Variants in NTNG1 observed in about 807,000 individuals in gnomAD.
NTNG1 encodes the protein netrin G1, also known as netrin-G1.
NTNG1 carries 16 observed loss-of-function variants against 54.0 expected under a neutral mutation model. The ratio of observed to expected loss-of-function variants is 0.30; its 90% CI spans 0.20 to 0.45. The LOEUF (loss-of-function observed/expected upper bound fraction) is 0.45. Among genes scored for constraint, NTNG1 ranks in the 20% least tolerant of loss-of-function variants. NTNG1 has a pLI of 1.00. For missense variants in NTNG1, 530 were observed against 678.7 expected (o/e 0.78, Z 2.43); for synonymous variants, 255 against 263.1 (o/e 0.97, Z 0.30).
intron 3 of NTNG1, among the ~76,000 whole-genome samples, chr1:107,394,034 A>AACACACAC (rs142695081): frequency 1.3e-5 from 2 of 149,716 alleles, no homozygotes; most frequent in African/African-American, 4.9e-5. Context: ...CACACACATA[A>AACACACAC]ACACACACAC....
intron 2 of NTNG1, among the ~76,000 whole-genome samples, chr1:107,297,846 C>T (rs1468149692): frequency 6.6e-6 from 1 of 152,064 alleles, no homozygotes; most frequent in Non-Finnish European, 1.5e-5. Flanking sequence ...TTAGAAATTA[C>T]CTACTTTTTA....
chr1:107,147,262 C>T (rs968645137), intron 1 of NTNG1, among the ~76,000 whole-genome samples: 1 of 152,092 alleles, frequency 6.6e-6, no homozygotes, highest in Middle Eastern at 3.2e-3. Flanking sequence ...TCACCCTCGG[C>T]TATTTTTATG....
chr1:107,424,808 C>A (rs1570933705), intron 5 of NTNG1, among the ~76,000 whole-genome samples: 2 of 151,988 alleles, frequency 1.3e-5, no homozygotes, highest in African/African-American at 4.8e-5. Flanking sequence ...GGGAGTCTCA[C>A]TAATTAATTG....
rs571428805 is a variant in NTNG1, at chr1:107,285,755, A to T, written c.247-38527A>T. Among the ~76,000 whole-genome samples, 8 of 152,192 alleles carry T rather than the reference A, an allele frequency of 5.3e-5. No individual in the cohort carries two copies. The South Asian group carries it at 1.7e-3, about 32-fold the overall frequency. On this transcript the variant is annotated intron_variant, in intron 2 of 7. Coordinates refer to ENST00000370068, the MANE Select transcript of NTNG1 (RefSeq NM_001113226.3). ...AAATTGCACTTATTTTAGAAATCTGACTTTTGCATGGAATCCACAGGTGTA... is the reference window on the plus strand; with the variant it reads ...AAATTGCACTTATTTTAGAAATCTGTCTTTTGCATGGAATCCACAGGTGTA...
chr1:107,420,952 T>C (rs1674534502), intron 5 of NTNG1: 10 of 656,332 alleles, frequency 1.5e-5, no homozygotes, highest in Non-Finnish European at 2.4e-5. Context: ...TGAAACAAAC[T>C]CCTAGAAACA....
chr1:107,390,382 G>GT (rs1310802265), intron 3 of NTNG1, among the ~76,000 whole-genome samples: 6 of 152,246 alleles, frequency 3.9e-5, no homozygotes, highest in Middle Eastern at 3.4e-3. Flanking sequence ...CAAATGCTTT[G>GT]TTTTTTTCTC....
In NTNG1 at chr1:107,459,838, C is replaced by T. The variant is rs12083292; in HGVS notation, c.1391-20773C>T. Among the ~76,000 whole-genome samples the T allele has an allele frequency of 2.9e-3, 434 of 152,238 alleles. 3 individuals are homozygous for T. The highest frequency in any genetic ancestry group is 0.01 in the African/African-American group (424 of 41,546). ...TTCATAGCAGCATTTTAAGATGGAG[C>T]CAGCCGGGTACTCCTAGGGCAAATT... On this transcript the variant is annotated intron_variant, in intron 7 of 7. Coordinates refer to ENST00000370068, the MANE Select transcript of NTNG1 (RefSeq NM_001113226.3).
intron 7 of NTNG1, among the ~76,000 whole-genome samples, chr1:107,463,118 A>G (rs1264870804): frequency 4.6e-5 from 7 of 152,170 alleles, no homozygotes; most frequent in Non-Finnish European, 1.0e-4. Context: ...TTGTGCCTTG[A>G]CTAACTTCCA....
intron 7 of NTNG1, among the ~76,000 whole-genome samples, chr1:107,455,062 A>AT (rs111552271): frequency 2.8e-3 from 393 of 139,370 alleles, no homozygotes; most frequent in Middle Eastern, 3.8e-3. Flanking sequence ...CATGGTGACT[A>AT]TTTTTTTTTT....
At chr1:107,381,687 A>C (rs1671655889) in intron 3 of NTNG1, among the ~76,000 whole-genome samples, 1 of 152,236 alleles carries the variant, frequency 6.6e-6, no homozygotes, top group Non-Finnish European at 1.5e-5. Context: ...TGCAAGTGTT[A>C]GAAAAATAAT....
chr1:107,400,776 G>T (rs1400007963), intron 4 of NTNG1, among the ~76,000 whole-genome samples: 1 of 151,864 alleles, frequency 6.6e-6, no homozygotes, highest in Non-Finnish European at 1.5e-5. Flanking sequence ...AGCCTCCCAA[G>T]TAGCTGGGAT....
chr1:107,306,979 G>C (rs537472836), intron 2 of NTNG1, among the ~76,000 whole-genome samples: 24 of 152,286 alleles, frequency 1.6e-4, no homozygotes, highest in African/African-American at 5.3e-4. Context: ...ATTCAGTCTT[G>C]TGTTTGGTCT....
chr1:107,158,138 A>C (rs1168062087), intron 2 of NTNG1, among the ~76,000 whole-genome samples: 1 of 152,196 alleles, frequency 6.6e-6, no homozygotes, highest in Admixed American at 6.6e-5. Flanking sequence ...ATCCTAAAAC[A>C]TAATTCCTTG....
chr1:107,443,951 G>C (rs758747514), intron 7 of NTNG1, among the ~76,000 whole-genome samples: 1 of 152,092 alleles, frequency 6.6e-6, no homozygotes, highest in Non-Finnish European at 1.5e-5. Context: ...GGAAGGAAGT[G>C]CTCTTTAAAC....
At chr1:107,201,324 T>C (rs1658738140) in intron 2 of NTNG1, among the ~76,000 whole-genome samples, 1 of 151,780 alleles carries the variant, frequency 6.6e-6, no homozygotes, top group Non-Finnish European at 1.5e-5. Flanking sequence ...ACATTTTAAA[T>C]TGTCCTCAAT....
intron 2 of NTNG1, among the ~76,000 whole-genome samples, chr1:107,214,785 C>T (rs1197522500): frequency 3.1e-5 from 2 of 64,630 alleles, no homozygotes; most frequent in Non-Finnish European, 5.9e-5. Context: ...CACATCCATG[C>T]CATCATTTTT....
At chr1:107,376,096 G>C (rs1671214301) in intron 3 of NTNG1, among the ~76,000 whole-genome samples, 1 of 152,188 alleles carries the variant, frequency 6.6e-6, no homozygotes, top group African/African-American at 2.4e-5. Context: ...TACTCTTATT[G>C]ACTTATTTAA....
At chr1:107,291,594 A>C (rs908508190) in intron 2 of NTNG1, among the ~76,000 whole-genome samples, 2 of 152,236 alleles carry the variant, frequency 1.3e-5, no homozygotes, top group African/African-American at 2.4e-5. Flanking sequence ...AATTCAAAAA[A>C]TATTGCTGAT....
intron 3 of NTNG1, among the ~76,000 whole-genome samples, chr1:107,352,331 C>T (rs1269171746): frequency 6.6e-6 from 1 of 152,066 alleles, no homozygotes. Context: ...TCTGCCTGGA[C>T]ATTCAGGCTT....
Sources: allele counts gnomAD v4.1 joint callset (sites outside exome capture counted in the v4.1 genomes callset), GRCh38; gene constraint gnomAD v4.1.1; transcripts MANE v1.5; gene names NCBI Gene and HGNC (gene_info 2026-07-23, HGNC 2026-07-21).